NPAS3: variants seen among roughly 807,000 people sequenced by gnomAD.
NPAS3 encodes neuronal PAS domain-containing protein 3.
NPAS3 carries 14 observed loss-of-function variants against 73.1 expected under a neutral mutation model. That is an observed-to-expected ratio of 0.19 (90% confidence interval 0.13 to 0.30). NPAS3 has a LOEUF of 0.30. NPAS3 is among the 10% of genes least tolerant of loss of function. NPAS3 has a pLI of 1.00. For missense variants in NPAS3, 1,096 were observed against 1,250.0 expected (o/e 0.88, Z 1.86); for synonymous variants, 620 against 541.5 (o/e 1.14, Z -2.01).
At chr14:33,437,965 TACA>T (rs2049061806) in intron 4 of NPAS3, among the ~76,000 whole-genome samples, 1 of 152,242 alleles carries the variant, frequency 6.6e-6, no homozygotes, top group Non-Finnish European at 1.5e-5. Context: ...TGTTAAAGTG[TACA>T]ACATTTAAGT....
intron 3 of NPAS3, among the ~76,000 whole-genome samples, chr14:33,260,295 AT>A (rs1445111653): frequency 6.6e-6 from 1 of 151,772 alleles, no homozygotes; most frequent in Non-Finnish European, 1.5e-5. Context: ...AGTTAAACAC[AT>A]CTCTAAAAAG....
At chr14:33,459,699 G>A (rs1282218856) in intron 4 of NPAS3, among the ~76,000 whole-genome samples, 1 of 152,138 alleles carries the variant, frequency 6.6e-6, no homozygotes. Context: ...AACTCTACCT[G>A]CCTCTCTTAT....
intron 2 of NPAS3, among the ~76,000 whole-genome samples, chr14:33,114,493 C>T (rs1490302913): frequency 6.6e-6 from 1 of 152,170 alleles, no homozygotes; most frequent in African/African-American, 2.4e-5. Context: ...TGTAAGGTTA[C>T]TGCCTTATGA....
chr14:33,712,526 A>T (rs748385826), intron 6 of NPAS3, among the ~76,000 whole-genome samples: 5 of 152,224 alleles, frequency 3.3e-5, no homozygotes, highest in Non-Finnish European at 7.3e-5. Flanking sequence ...TTTTAGTGTT[A>T]AGGACATTCA....
intron 5 of NPAS3, among the ~76,000 whole-genome samples, chr14:33,633,637 C>T (rs555763282): frequency 1.3e-4 from 20 of 152,224 alleles, no homozygotes; most frequent in African/African-American, 3.9e-4. Context: ...AGTAAAAATA[C>T]AGTATTATAA....
chr14:33,673,817 T>C (rs2059678210), intron 5 of NPAS3, among the ~76,000 whole-genome samples: 1 of 151,988 alleles, frequency 6.6e-6, no homozygotes, highest in Non-Finnish European at 1.5e-5. Context: ...CCCAGGGAGG[T>C]TAAATTAATT....
At chr14:33,287,296 A>G (rs1254729853) in intron 3 of NPAS3, among the ~76,000 whole-genome samples, 1 of 152,134 alleles carries the variant, frequency 6.6e-6, no homozygotes, top group African/African-American at 2.4e-5. Flanking sequence ...AGAATTTTTT[A>G]ATGGAGCAAT....
chr14:33,472,258 G>A (rs946162704), intron 4 of NPAS3, among the ~76,000 whole-genome samples: 2 of 152,186 alleles, frequency 1.3e-5, no homozygotes, highest in African/African-American at 4.8e-5. Context: ...AGGCAATGCA[G>A]TGTGGCTGGA....
chr14:33,471,504 C>T (rs17101320), intron 4 of NPAS3, among the ~76,000 whole-genome samples: 20,808 of 152,052 alleles, frequency 0.14, 2,525 homozygotes, highest in African/African-American at 0.33. Flanking sequence ...GCGATTTTTG[C>T]CCTGGCTCTT....
chr14:32,974,681 A>G (rs1006271844), intron 1 of NPAS3, among the ~76,000 whole-genome samples: 1 of 152,130 alleles, frequency 6.6e-6, no homozygotes, highest in African/African-American at 2.4e-5. Context: ...CAGCTCTATC[A>G]TGTCTGCTCT....
In NPAS3 at chr14:33,192,198, T is replaced by TA. The variant is rs544278360; in HGVS notation, c.141-22983dup. Reference sequence around the variant, plus strand: ...CCTCCCTGCCCTCCTCACCTGTAGATAGATAACCATAAGATTGTTTAAAGA... The same window carrying TA: ...CCTCCCTGCCCTCCTCACCTGTAGATAAGATAACCATAAGATTGTTTAAAGA... On this transcript the variant is annotated intron_variant, in intron 2 of 11. Coordinates refer to ENST00000356141, the Ensembl canonical transcript of NPAS3. Among the ~76,000 whole-genome samples, 48 of 152,318 alleles carry TA rather than the reference T, an allele frequency of 3.2e-4. No homozygotes were observed. In the South Asian group the frequency reaches 4.3e-3, roughly 14 times the overall value.
chr14:33,595,929 C>G (rs2057229656), intron 5 of NPAS3, among the ~76,000 whole-genome samples: 1 of 152,162 alleles, frequency 6.6e-6, no homozygotes, highest in Non-Finnish European at 1.5e-5. Context: ...CTAGGCCTCC[C>G]AAAGTGCTAG....
At chr14:33,562,778 G>A (rs1310816017) in intron 5 of NPAS3, among the ~76,000 whole-genome samples, 2 of 152,106 alleles carry the variant, frequency 1.3e-5, no homozygotes, top group Non-Finnish European at 2.9e-5. Flanking sequence ...TAGAGAAATA[G>A]AGGTCCCCAA....
chr14:33,732,606 C>T (rs1423177275), intron 6 of NPAS3, among the ~76,000 whole-genome samples: 1 of 152,196 alleles, frequency 6.6e-6, no homozygotes, highest in Non-Finnish European at 1.5e-5. Context: ...AAACCAGTCT[C>T]TTTCTGGGTT....
chr14:33,623,403 C>T (rs2058134318), intron 5 of NPAS3, among the ~76,000 whole-genome samples: 1 of 152,178 alleles, frequency 6.6e-6, no homozygotes, highest in Non-Finnish European at 1.5e-5. Context: ...TTTGACCATA[C>T]CCCATGTATA....
chr14:33,061,094 A>G (rs2138573612), intron 2 of NPAS3, among the ~76,000 whole-genome samples: 1 of 152,334 alleles, frequency 6.6e-6, no homozygotes, highest in Non-Finnish European at 1.5e-5. Context: ...TGTACAAGAC[A>G]GAGTGCTAAC....
At chr14:33,504,191 A>G (rs1018441430) in intron 4 of NPAS3, among the ~76,000 whole-genome samples, 2 of 152,000 alleles carry the variant, frequency 1.3e-5, no homozygotes, top group African/African-American at 4.8e-5. Flanking sequence ...ATGCTTCATC[A>G]TACATGAGGA....
chr14:33,055,875 C>A, intron 1 of NPAS3, 30 bp from the exon 2 acceptor site: 1 of 782,288 alleles, frequency 1.3e-6, no homozygotes, highest in South Asian at 1.5e-5. Flanking sequence ...AATCTCTAGT[C>A]ATGTCTATCT....
At chr14:33,579,923 T>A (rs1269382629) in intron 5 of NPAS3, among the ~76,000 whole-genome samples, 2 of 152,232 alleles carry the variant, frequency 1.3e-5, no homozygotes, top group Non-Finnish European at 2.9e-5. Flanking sequence ...AGGTTTACCA[T>A]ATGGATCTCC....
Sources: gnomAD v4.1 joint callset for allele counts (sites outside exome capture counted in the v4.1 genomes callset) on GRCh38, gnomAD v4.1.1 for gene constraint, MANE v1.5 for transcripts, NCBI Gene and HGNC (gene_info 2026-07-23, HGNC 2026-07-21) for gene names.